Variants in SPATA31H1 observed in about 807,000 individuals in gnomAD.
SPATA31H1 encodes the protein SPATA31 subfamily H member 1, also known as spermatogenesis-associated protein 31H1.
At chr2:27,552,948 T>C in the SPATA31H1 span, among the ~76,000 whole-genome samples, 1 of 152,154 alleles carries the variant, frequency 6.6e-6, no homozygotes, top group African/African-American at 2.4e-5. Flanking sequence ...ACTTGTTCCT[T>C]TCTAATTTGC....
the SPATA31H1 span, chr2:27,569,078 A>G: frequency 2.5e-6 from 1 of 398,998 alleles, no homozygotes; most frequent in Non-Finnish European, 4.4e-6. Context: ...GCCAAACTTC[A>G]GAATCTGTGG....
chr2:27,566,097 T>G, the SPATA31H1 span: 2 of 717,396 alleles, frequency 2.8e-6, no homozygotes, highest in Non-Finnish European at 2.6e-6. Flanking sequence ...TAACCTGACA[T>G]GGTGAGTAAA....
At chr2:27,547,489 T>C in the SPATA31H1 span, among the ~76,000 whole-genome samples, 1,234 of 152,104 alleles carry the variant, frequency 8.1e-3, 46 homozygotes, top group African/African-American at 0.028. Flanking sequence ...CTTTGACCTT[T>C]GAAGTTGTCT....
the SPATA31H1 span, among the ~76,000 whole-genome samples, chr2:27,553,327 C>G: frequency 1.3e-5 from 2 of 152,062 alleles, no homozygotes; most frequent in Non-Finnish European, 2.9e-5. Context: ...AGAAGACCAA[C>G]AGCCTTCTCT....
At chr2:27,566,609 T>C in the SPATA31H1 span, 1 of 582,624 alleles carries the variant, frequency 1.7e-6, no homozygotes, top group Non-Finnish European at 3.1e-6. Flanking sequence ...TAATTGATGT[T>C]GGGGAAAGAA....
the SPATA31H1 span, among the ~76,000 whole-genome samples, chr2:27,552,004 C>T: frequency 1.6e-4 from 24 of 151,948 alleles, 1 homozygote; most frequent in African/African-American, 3.6e-4. Context: ...TTAGTAGAGA[C>T]GAGGTTTCAC....
chr2:27,582,712 G>T, the SPATA31H1 span: 1 of 633,482 alleles, frequency 1.6e-6, no homozygotes. Context: ...GAATAAAGGG[G>T]CAGTAAATGA....
the SPATA31H1 span, chr2:27,573,463 A>G: frequency 3.8e-5 from 15 of 398,410 alleles, no homozygotes; most frequent in Non-Finnish European, 4.9e-5. Flanking sequence ...AGAAATGTGA[A>G]GTCATCTGAG....
chr2:27,541,368 A>C, the SPATA31H1 span, among the ~76,000 whole-genome samples: 1 of 151,334 alleles, frequency 6.6e-6, no homozygotes, highest in Non-Finnish European at 1.5e-5. Context: ...TTGGCTCGGC[A>C]TCAGAGGGAG....
chr2:27,564,062 T>C, the SPATA31H1 span, among the ~76,000 whole-genome samples: 31,081 of 152,102 alleles, frequency 0.2, 3,383 homozygotes, highest in East Asian at 0.35. Context: ...TTTACTTTCA[T>C]CTTTTGCCCT....
the SPATA31H1 span, chr2:27,577,315 T>TG: frequency 6.2e-7 from 1 of 1,613,996 alleles, no homozygotes; most frequent in South Asian, 1.1e-5. The surrounding 1 kb of genome is among the most constrained non-coding windows in gnomAD (Gnocchi z 4.5). Context: ...GTTAAGGATG[T>TG]GGGGGAGTTA....
chr2:27,552,617 T>C, the SPATA31H1 span, among the ~76,000 whole-genome samples: 1 of 152,022 alleles, frequency 6.6e-6, no homozygotes, highest in Non-Finnish European at 1.5e-5. Context: ...TTCATTTCTG[T>C]AAAAAAGGCT....
chr2:27,556,851 CGGCCTT>C, the SPATA31H1 span, among the ~76,000 whole-genome samples: 6 of 107,906 alleles, frequency 5.6e-5, no homozygotes, highest in African/African-American at 7.4e-5. Flanking sequence ...GAGGACCCTG[CGGCCTT>C]GGCCTTCCGC....
At chr2:27,549,283 A>G in the SPATA31H1 span, among the ~76,000 whole-genome samples, 1 of 151,856 alleles carries the variant, frequency 6.6e-6, no homozygotes, top group African/African-American at 2.4e-5. Flanking sequence ...ATAATCATCA[A>G]GAGGCACATA....
chr2:27,578,025 G>A, the SPATA31H1 span: 1 of 1,614,154 alleles, frequency 6.2e-7, no homozygotes, highest in Non-Finnish European at 8.5e-7. Context: ...ACTAGATCAA[G>A]TCACAGAATC....
the SPATA31H1 span, chr2:27,578,316 T>C: frequency 6.2e-7 from 1 of 1,613,874 alleles, no homozygotes; most frequent in South Asian, 1.1e-5. Context: ...AACAGTGGAG[T>C]TGACAGGGTT....
the SPATA31H1 span, among the ~76,000 whole-genome samples, chr2:27,551,761 T>C: frequency 6.6e-6 from 1 of 152,006 alleles, no homozygotes; most frequent in East Asian, 1.9e-4. Context: ...CTTTAAGGTG[T>C]ACTAATTCTA....
chr2:27,553,261 C>T, the SPATA31H1 span, among the ~76,000 whole-genome samples: 58 of 152,160 alleles, frequency 3.8e-4, 1 homozygote, highest in African/African-American at 1.2e-3. Context: ...CCTTGTCTTC[C>T]AGAATAGTGT....
the SPATA31H1 span, chr2:27,582,632 G>A: frequency 8.5e-7 from 1 of 1,180,822 alleles, no homozygotes; most frequent in Non-Finnish European, 1.2e-6. Context: ...CGCCCCCAGC[G>A]TGGAAAGGCT....
Sources: gnomAD v4.1 joint callset for allele counts (sites outside exome capture counted in the v4.1 genomes callset) on GRCh38, gnomAD v4.1.1 for gene constraint, Gnocchi (gnomAD v3.1) non-coding constraint, MANE v1.5 for transcripts, NCBI Gene and HGNC (gene_info 2026-07-23, HGNC 2026-07-21) for gene names.